Variants in FBXL20 observed in about 807,000 individuals in gnomAD.
FBXL20 encodes the protein F-box/LRR-repeat protein 20.
In FBXL20, 11 loss-of-function variants were observed where a neutral mutation model predicts 64.0. The ratio of observed to expected loss-of-function variants is 0.17; its 90% confidence interval spans 0.11 to 0.28. FBXL20 has a LOEUF of 0.28. Ranked by LOEUF, FBXL20 falls within the 10% of genes least tolerant of loss-of-function variation. FBXL20 has a pLI of 1.00. For synonymous variants in FBXL20, 184 were observed against 189.0 expected, an observed-to-expected ratio of 0.97 and a Z score of 0.22; for missense variants, 303 against 526.2, an observed-to-expected ratio of 0.58 and a Z score of 4.15.
rs1437668810 is a variant in FBXL20, at chr17:39,258,140, A to C, written c.*3320T>G. 6.6e-6 allele frequency: 1 copy of C among 152,116 alleles called. No individual in the cohort carries two copies. Among genetic ancestry groups the C allele is most frequent in the African/African-American group, 2.4e-5 (1 of 41,424 alleles). The allele number at this position is 152,116 out of a possible 1,614,324, so 9.4% of individuals were successfully genotyped here. ...ACTGTTTTTTTCCATTATAAAAGGCATATTTTGGAGTGGCTATGAGGTTAG... is the reference window on the plus strand; with the variant it reads ...ACTGTTTTTTTCCATTATAAAAGGCCTATTTTGGAGTGGCTATGAGGTTAG... On this transcript the variant is annotated 3_prime_UTR_variant, in exon 15 of 15. Coordinates refer to ENST00000264658, the MANE Select transcript of FBXL20 (RefSeq NM_032875.3).
intron 11 of FBXL20, among the ~76,000 whole-genome samples, chr17:39,270,439 G>A (rs2046833930): frequency 6.6e-6 from 1 of 152,148 alleles, no homozygotes; most frequent in African/African-American, 2.4e-5. Flanking sequence ...AGCTACTCGG[G>A]AGGCTGAGGC....
At chr17:39,307,637 G>A (rs2047194757) in intron 2 of FBXL20, among the ~76,000 whole-genome samples, 1 of 152,088 alleles carries the variant, frequency 6.6e-6, no homozygotes, top group Non-Finnish European at 1.5e-5. Context: ...TTATAGATGA[G>A]GATATTGAAC....
At chr17:39,299,159 C>G in intron 4 of FBXL20, 75 bp from the exon 5 acceptor site, 2 of 1,032,574 alleles carry the variant, frequency 1.9e-6, no homozygotes, top group Non-Finnish European at 1.4e-6. Flanking sequence ...TCATTTTTAA[C>G]GATTTATAAA....
chr17:39,319,755 G>C (rs61391387), intron 2 of FBXL20, among the ~76,000 whole-genome samples: 9 of 129,762 alleles, frequency 6.9e-5, no homozygotes, highest in Middle Eastern at 4.3e-3. Context: ...AAAAAAAATA[G>C]AACAGCAGGG....
chr17:39,379,569 C>G (rs1002363159), intron 1 of FBXL20, among the ~76,000 whole-genome samples: 7 of 151,098 alleles, frequency 4.6e-5, no homozygotes, highest in Non-Finnish European at 8.8e-5. Context: ...CACTTGAGAT[C>G]AGGAGTTTGA....
In FBXL20 at chr17:39,399,764, GTAAAT is replaced by G. The variant is rs1255937507; in HGVS notation, c.42+1592_42+1596del. ...ATAGTATGCCACCCCTACAGAGATTGTAAATTAAAGTATAAGATAATTATAAAAAT... is the reference window on the plus strand; with the variant it reads ...ATAGTATGCCACCCCTACAGAGATTGTAAAGTATAAGATAATTATAAAAAT... On this transcript the variant is annotated intron_variant, in intron 1 of 14. Transcript: ENST00000264658. Among the ~76,000 whole-genome samples the G allele has an allele frequency of 2.5e-4, 38 of 152,112 alleles. No individual in the cohort carries two copies. In the South Asian group the frequency reaches 7.5e-3, roughly 30 times the overall value.
intron 2 of FBXL20, among the ~76,000 whole-genome samples, chr17:39,338,262 A>C (rs1408220696): frequency 6.6e-6 from 1 of 152,236 alleles, no homozygotes; most frequent in East Asian, 1.9e-4. Context: ...TCTCTGAAAC[A>C]TGTGCTGTGT....
intron 2 of FBXL20, among the ~76,000 whole-genome samples, chr17:39,317,725 G>A (rs566743527): frequency 1.5e-3 from 167 of 111,952 alleles, no homozygotes; most frequent in Middle Eastern, 8.1e-3. Context: ...TTTTTGAGAC[G>A]GAGTCTCACT....
At chr17:39,310,514 G>A (rs191361272) in intron 2 of FBXL20, among the ~76,000 whole-genome samples, 2 of 152,188 alleles carry the variant, frequency 1.3e-5, no homozygotes, top group East Asian at 1.9e-4. Flanking sequence ...TCCTGTCTAC[G>A]TGTTAGTCGA....
intron 2 of FBXL20, among the ~76,000 whole-genome samples, chr17:39,323,416 A>G (rs2047376806): frequency 2.0e-5 from 3 of 152,328 alleles, no homozygotes; most frequent in South Asian, 2.1e-4. Context: ...CTTGTTGAAG[A>G]AAACAGTAGA....
At chr17:39,290,125 G>C (rs2047025551) in intron 6 of FBXL20, among the ~76,000 whole-genome samples, 1 of 148,258 alleles carries the variant, frequency 6.7e-6, no homozygotes, top group African/African-American at 2.5e-5. Flanking sequence ...CAGTGTATAT[G>C]ATGACTTACA....
At chr17:39,293,225 CTT>C (rs113511127) in intron 6 of FBXL20, among the ~76,000 whole-genome samples, 5 of 135,250 alleles carry the variant, frequency 3.7e-5, no homozygotes, top group Non-Finnish European at 4.9e-5. Flanking sequence ...TTTTGGATCA[CTT>C]TTTTTTTTTT....
At chr17:39,303,695 T>A in intron 2 of FBXL20, 56 bp from the exon 3 acceptor site, 1 of 1,487,000 alleles carries the variant, frequency 6.7e-7, no homozygotes, top group Non-Finnish European at 9.2e-7. Context: ...AGTTGACCTT[T>A]ATTTATTTTG....
chr17:39,349,634 T>A (rs9894027), intron 1 of FBXL20, among the ~76,000 whole-genome samples: 3,916 of 151,674 alleles, frequency 0.026, 159 homozygotes, highest in African/African-American at 0.088. Context: ...TTGTGATAAG[T>A]CACAGTCAAG....
rs10568875 is a variant in FBXL20 at position 39,295,784 on chromosome 17, G to GATATATATATATAT, written c.398+1329_398+1342dup. The stretch of plus-strand genomic sequence containing the variant: ...CTTTTTGAAAATATGCAAATATGGA[G>GATATATATATATAT]ATATATATATATATATATATATTAA... On this transcript the variant is annotated intron_variant, in intron 6 of 14. Transcript: ENST00000264658. Among the ~76,000 whole-genome samples the GATATATATATATAT allele has an allele frequency of 9.9e-4, 136 of 137,086 alleles. 1 individual carries two copies. Among genetic ancestry groups the GATATATATATATAT allele is most frequent in the African/African-American group, 3.1e-3 (114 of 37,376 alleles). The allele number at this position is 137,086 out of a possible 152,430, so 89.9% of individuals were successfully genotyped here.
rs117765198 is a variant in FBXL20, at chr17:39,400,891, C to T, written c.42+470G>A. On this transcript the variant is annotated intron_variant, in intron 1 of 14. Coordinates refer to ENST00000264658, the MANE Select transcript of FBXL20 (RefSeq NM_032875.3). ...GGTAGCCTCTATCATCCCAAACTAC[C>T]GTCCCCACTTCCCTAGTTTCACCAA... Among the ~76,000 whole-genome samples, 6 of 152,328 alleles carry T rather than the reference C, an allele frequency of 3.9e-5. No homozygotes were observed. The East Asian group carries it at 1.2e-3, about 29-fold the overall frequency.
intron 4 of FBXL20, among the ~76,000 whole-genome samples, chr17:39,299,286 TTTTG>T (rs745679637): frequency 6.6e-5 from 10 of 152,210 alleles, no homozygotes; most frequent in African/African-American, 1.9e-4. Context: ...CATATTCTTA[TTTTG>T]TTTAACTTGT....
At chr17:39,289,530 A>C (rs916178018) in intron 6 of FBXL20, among the ~76,000 whole-genome samples, 6 of 151,860 alleles carry the variant, frequency 4.0e-5, no homozygotes, top group African/African-American at 1.5e-4. Flanking sequence ...GGTGACACAC[A>C]CCTGTAGTCC....
upstream of FBXL20, chr17:39,401,716 G>C (rs903371853): frequency 2.2e-5 from 24 of 1,096,450 alleles, no homozygotes; most frequent in South Asian, 7.2e-4. Context: ...GCCTCGGAGC[G>C]CCCGGGAGGG....
Sources: gnomAD v4.1 joint callset for allele counts (sites outside exome capture counted in the v4.1 genomes callset) on GRCh38, gnomAD v4.1.1 for gene constraint, MANE v1.5 for transcripts, NCBI Gene and HGNC (gene_info 2026-07-23, HGNC 2026-07-21) for gene names.